Variants in NYAP2 observed in about 807,000 individuals in gnomAD.
NYAP2 encodes neuronal tyrosine-phosphorylated phosphoinositide-3-kinase adaptor 2.
Under a neutral mutation model 50.4 loss-of-function variants are expected in NYAP2, and 23 were observed. The ratio of observed to expected loss-of-function variants is 0.46; its 90% CI spans 0.33 to 0.65. The LOEUF (loss-of-function observed/expected upper bound fraction) is 0.65. Among genes scored for constraint, NYAP2 ranks in the 30% least tolerant of loss-of-function variants. The pLI is 0.02. For synonymous variants in NYAP2, 394 were observed against 365.2 expected (o/e 1.08, Z -0.90); for missense variants, 885 against 861.0 (o/e 1.03, Z -0.35).
chr2:225,518,326 T>G (rs1002861770), intron 4 of NYAP2, among the ~76,000 whole-genome samples: 1 of 151,022 alleles, frequency 6.6e-6, no homozygotes, highest in African/African-American at 2.4e-5. Context: ...AAGTAAAGAG[T>G]AGCCTGGTGA....
chr2:225,607,498 A>G (rs906444246), intron 5 of NYAP2, among the ~76,000 whole-genome samples: 1 of 152,140 alleles, frequency 6.6e-6, no homozygotes, highest in Non-Finnish European at 1.5e-5. Context: ...GTTGTGTCCT[A>G]TTTAAGACTG....
intron 2 of NYAP2, among the ~76,000 whole-genome samples, chr2:225,402,143 G>C (rs183971971): frequency 1.9e-3 from 282 of 152,124 alleles, no homozygotes; most frequent in African/African-American, 6.3e-3. Flanking sequence ...AAGGGACTAT[G>C]TGAAGGACAT....
At chr2:225,534,969 C>G (rs1691321359) in intron 4 of NYAP2, among the ~76,000 whole-genome samples, 1 of 152,160 alleles carries the variant, frequency 6.6e-6, no homozygotes, top group African/African-American at 2.4e-5. Flanking sequence ...GAAATGCAGC[C>G]TTTGCAACTT....
chr2:225,625,043 T>TAAAAAAAAAAAAAA (rs386392796), intron 5 of NYAP2, among the ~76,000 whole-genome samples: 1 of 69,630 alleles, frequency 1.4e-5, no homozygotes, highest in African/African-American at 6.0e-5. Flanking sequence ...AACCCAAGCG[T>TAAAAAAAAAAAAAA]AAAAAAAAAA....
intron 4 of NYAP2, among the ~76,000 whole-genome samples, chr2:225,545,550 C>G (rs1157513658): frequency 6.6e-6 from 1 of 152,018 alleles, no homozygotes; most frequent in Non-Finnish European, 1.5e-5. Context: ...TTTTTTCAAT[C>G]TCTTTGTTAA....
At chr2:225,465,431 C>T (rs752712262) in intron 3 of NYAP2, among the ~76,000 whole-genome samples, 1 of 152,034 alleles carries the variant, frequency 6.6e-6, no homozygotes, top group African/African-American at 2.4e-5. Context: ...AAACCATTCT[C>T]TGGGGCCGGG....
At chr2:225,571,675 T>C (rs1471772825) in intron 4 of NYAP2, among the ~76,000 whole-genome samples, 1 of 152,226 alleles carries the variant, frequency 6.6e-6, no homozygotes, top group Non-Finnish European at 1.5e-5. Flanking sequence ...AACCCTTTTT[T>C]CCTCCTAGGC....
At chr2:225,543,712 T>A (rs1691517513) in intron 4 of NYAP2, among the ~76,000 whole-genome samples, 1 of 152,124 alleles carries the variant, frequency 6.6e-6, no homozygotes, top group South Asian at 2.1e-4. Flanking sequence ...TTCCATGTGC[T>A]GAGGAGAAAA....
chr2:225,658,362 G>C (rs563882023), downstream of NYAP2, among the ~76,000 whole-genome samples: 1 of 152,296 alleles, frequency 6.6e-6, no homozygotes, highest in African/African-American at 2.4e-5. Context: ...TTTGAGAAGT[G>C]TTTCTCTGTA....
At chr2:225,437,785 CA>C (rs1299126175) in intron 3 of NYAP2, among the ~76,000 whole-genome samples, 1 of 152,194 alleles carries the variant, frequency 6.6e-6, no homozygotes, top group Non-Finnish European at 1.5e-5. Context: ...CAACATGAAA[CA>C]GCAGGTAAGT....
chr2:225,601,343 T>G (rs1692687468), intron 5 of NYAP2, among the ~76,000 whole-genome samples: 1 of 151,968 alleles, frequency 6.6e-6, no homozygotes, highest in Non-Finnish European at 1.5e-5. Flanking sequence ...ATGGTCTCGA[T>G]CTCTTGACCT....
chr2:225,408,891 C>T, exon 3 of NYAP2: 1 of 1,606,850 alleles, frequency 6.2e-7, no homozygotes, highest in Non-Finnish European at 8.5e-7. Flanking sequence ...ATGATATCCT[C>T]CAAGATGATG....
the NYAP2 span, among the ~76,000 whole-genome samples, chr2:225,680,039 G>A: frequency 1.3e-5 from 2 of 152,062 alleles, no homozygotes; most frequent in Non-Finnish European, 2.9e-5. Flanking sequence ...GAGATAGATA[G>A]CACCGGGTTT....
At chr2:225,604,658 C>A (rs1041672190) in intron 5 of NYAP2, among the ~76,000 whole-genome samples, 1 of 151,990 alleles carries the variant, frequency 6.6e-6, no homozygotes, top group East Asian at 1.9e-4. Context: ...GGAAAAAAAT[C>A]AAATCTGGTT....
At chr2:225,425,379 G>A (rs1449248920) in intron 3 of NYAP2, among the ~76,000 whole-genome samples, 1 of 152,144 alleles carries the variant, frequency 6.6e-6, no homozygotes, top group Non-Finnish European at 1.5e-5. Flanking sequence ...ATCTCACTAG[G>A]AATTTATCCA....
intron 3 of NYAP2, among the ~76,000 whole-genome samples, chr2:225,411,316 T>C (rs1310707565): frequency 6.6e-6 from 1 of 152,120 alleles, no homozygotes; most frequent in East Asian, 1.9e-4. Context: ...TCTGTTGTTG[T>C]TTTCTACTTT....
chr2:225,568,780 T>G (rs1692007195), intron 4 of NYAP2, among the ~76,000 whole-genome samples: 1 of 152,216 alleles, frequency 6.6e-6, no homozygotes, highest in Non-Finnish European at 1.5e-5. Flanking sequence ...TGATTGGATG[T>G]GCATAGAAGA....
the NYAP2 span, among the ~76,000 whole-genome samples, chr2:225,666,834 T>TC: frequency 4.1e-4 from 60 of 146,522 alleles, no homozygotes; most frequent in South Asian, 1.3e-3. Flanking sequence ...AGATACATAT[T>TC]CCCCCCCCTC....
At chr2:225,514,639 CATT>C (rs1167117767) in intron 4 of NYAP2, among the ~76,000 whole-genome samples, 1 of 152,134 alleles carries the variant, frequency 6.6e-6, no homozygotes, top group African/African-American at 2.4e-5. Context: ...CACATACAAT[CATT>C]ATGGGATTAA....
Sources: allele counts gnomAD v4.1 joint callset (sites outside exome capture counted in the v4.1 genomes callset), GRCh38; gene constraint gnomAD v4.1.1; transcripts MANE v1.5; gene names NCBI Gene and HGNC (gene_info 2026-07-23, HGNC 2026-07-21).